Variants in USP10 observed in about 807,000 individuals in gnomAD.
USP10 encodes the protein ubiquitin specific peptidase 10.
A neutral mutation model predicts 84.5 loss-of-function variants in USP10; 22 were observed. The ratio of observed to expected loss-of-function variants is 0.26; its 90% CI spans 0.19 to 0.37. The LOEUF (loss-of-function observed/expected upper bound fraction) is 0.37. Ranked by LOEUF, USP10 falls within the 10% of genes least tolerant of loss-of-function variation. USP10 has a pLI of 1.00. For missense variants in USP10, 1,019 were observed against 998.9 expected (o/e 1.02, Z -0.27); for synonymous variants, 454 against 387.6 (o/e 1.17, Z -2.01).
chr16:84,741,246 G>A (rs1172524733), intron 3 of USP10, among the ~76,000 whole-genome samples: 1 of 152,214 alleles, frequency 6.6e-6, no homozygotes, highest in African/African-American at 2.4e-5. Flanking sequence ...TAAAATTTTA[G>A]ATTTATAAGA....
intron 2 of USP10, among the ~76,000 whole-genome samples, chr16:84,735,649 G>A (rs747777954): frequency 1.3e-5 from 2 of 152,088 alleles, no homozygotes; most frequent in Non-Finnish European, 2.9e-5. Context: ...GGATGAAAAG[G>A]GTACAGATGG....
intron 1 of USP10, among the ~76,000 whole-genome samples, chr16:84,715,326 A>G (rs1006730665): frequency 6.6e-6 from 1 of 152,220 alleles, no homozygotes; most frequent in Admixed American, 6.5e-5. Flanking sequence ...AAGCATCCTT[A>G]CCTTTGTGTA....
intron 2 of USP10, among the ~76,000 whole-genome samples, chr16:84,739,392 C>T (rs1910352500): frequency 6.6e-6 from 1 of 152,166 alleles, no homozygotes; most frequent in Admixed American, 6.5e-5. Context: ...CTGCCTTAGC[C>T]TCCCAAGTAG....
intron 12 of USP10, among the ~76,000 whole-genome samples, chr16:84,774,906 C>T (rs1338851302): frequency 1.3e-5 from 2 of 152,164 alleles, no homozygotes; most frequent in African/African-American, 2.4e-5. Flanking sequence ...AGGGGCCTCC[C>T]ACAGGAGCAT....
chr16:84,715,528 G>A (rs1031212497), intron 1 of USP10, among the ~76,000 whole-genome samples: 1 of 152,320 alleles, frequency 6.6e-6, no homozygotes. Context: ...GAGCCAGTGA[G>A]TCCACCTGGG....
intron 13 of USP10, among the ~76,000 whole-genome samples, chr16:84,776,286 G>A (rs1259821619): frequency 3.3e-5 from 5 of 152,116 alleles, no homozygotes; most frequent in South Asian, 2.1e-4. Flanking sequence ...CCCAGGGATG[G>A]GGGCCCAGGG....
intron 11 of USP10, among the ~76,000 whole-genome samples, chr16:84,768,566 A>C (rs11149681): frequency 6.6e-6 from 1 of 152,026 alleles, no homozygotes; most frequent in Non-Finnish European, 1.5e-5. Context: ...ATCATATTAC[A>C]CAAGGTAATG....
At chr16:84,728,552 A>G (rs1029738896) in intron 1 of USP10, among the ~76,000 whole-genome samples, 5 of 152,058 alleles carry the variant, frequency 3.3e-5, no homozygotes, top group African/African-American at 1.2e-4. Context: ...GATGGTCTCA[A>G]TCTCCTGACC....
At chr16:84,743,549 G>T (rs1910869404) in intron 3 of USP10, among the ~76,000 whole-genome samples, 1 of 151,904 alleles carries the variant, frequency 6.6e-6, no homozygotes, top group South Asian at 2.1e-4. Flanking sequence ...TAAGATAGAT[G>T]CCTTGAAAAA....
intron 13 of USP10, 136 bp downstream of exon 13, chr16:84,775,361 G>C (rs1266515969): frequency 5.0e-6 from 4 of 796,322 alleles, no homozygotes; most frequent in South Asian, 4.5e-5. Flanking sequence ...GTGAGTCGGG[G>C]AGTCACGTGA....
At chr16:84,770,447 A>G (rs1420034829) in intron 11 of USP10, among the ~76,000 whole-genome samples, 1 of 152,178 alleles carries the variant, frequency 6.6e-6, no homozygotes, top group Admixed American at 6.5e-5. Flanking sequence ...TGCTATATAG[A>G]AAATGTCTGC....
rs748444800 is a variant in USP10 at position 84,745,295 on chromosome 16, C to G, written c.814C>G (p.Pro272Ala). The G allele has an allele frequency of 1.2e-5, 20 of 1,613,222 alleles. No homozygotes were observed. Among genetic ancestry groups the G allele is most frequent in the Non-Finnish European group, 1.7e-5 (20 of 1,179,724 alleles). Residue 272 changes from proline to alanine, a missense_variant, in exon 4 of 14, where the codon CCC (proline) becomes GCC (alanine). Physicochemically the swap from Pro to Ala is conservative, Grantham distance 27. Transcript: ENST00000219473. ...DTLSRTAGAQPCVGTDTTENL... is the reference protein window; with the variant it reads ...DTLSRTAGAQACVGTDTTENL... ...CCTGTCAAGGACAGCTGGGGCTCAG[C>G]CCTGCGTTGGTACCGATACTACTGA...
At chr16:84,761,977 A>C (rs1009619421) in intron 8 of USP10, among the ~76,000 whole-genome samples, 2 of 152,230 alleles carry the variant, frequency 1.3e-5, no homozygotes, top group African/African-American at 4.8e-5. Context: ...CTATCTGGAG[A>C]GGGCAAGTAA....
intron 1 of USP10, among the ~76,000 whole-genome samples, chr16:84,732,840 A>C (rs912353644): frequency 1.3e-5 from 2 of 152,224 alleles, no homozygotes; most frequent in Non-Finnish European, 2.9e-5. Context: ...TTCGTTTTCC[A>C]GAAAATCACA....
intron 8 of USP10, among the ~76,000 whole-genome samples, 171 bp from the exon 9 acceptor site, chr16:84,762,818 C>G (rs902446693): frequency 6.6e-6 from 1 of 152,184 alleles, no homozygotes; most frequent in African/African-American, 2.4e-5. Context: ...TCCTCCTACT[C>G]TTGGGATTTC....
chr16:84,745,441 A>C lies in USP10; in HGVS notation c.960A>C (p.Ala320=), dbSNP rs771784330. The C allele has an allele frequency of 1.2e-6, 2 of 1,613,650 alleles. No individual in the cohort carries two copies. Among genetic ancestry groups the C allele is most frequent in the African/African-American group, 2.7e-5 (2 of 74,926 alleles). The change falls in exon 4 of 14, where the codon GCA becomes GCC. Residue 320 remains alanine (A), a synonymous_variant. Coordinates refer to ENST00000219473, the MANE Select transcript of USP10 (RefSeq NM_005153.3). ...IDLDPTKPES[A]SPPADGTGSA... is the part of the protein sequence containing the mutation. ...TGGACCCAACCAAACCCGAGAGTGC[A>C]TCACCTCCTGCTGACGGCACGGGCT...
At chr16:84,762,804 C>A (rs1354478507) in intron 8 of USP10, among the ~76,000 whole-genome samples, 185 bp from the exon 9 acceptor site, 1 of 152,128 alleles carries the variant, frequency 6.6e-6, no homozygotes, top group South Asian at 2.1e-4. Flanking sequence ...TCAGTTTCTC[C>A]TTTTCCTCCT....
intron 1 of USP10, chr16:84,704,629 T>C: frequency 7.5e-7 from 1 of 1,337,340 alleles, no homozygotes; most frequent in Non-Finnish European, 9.9e-7. Flanking sequence ...GGGGTATGTG[T>C]ATAGTATTTG....
At chr16:84,731,523 C>T (rs985031989) in intron 1 of USP10, among the ~76,000 whole-genome samples, 1 of 151,974 alleles carries the variant, frequency 6.6e-6, no homozygotes, top group East Asian at 1.9e-4. Context: ...TTCCTCCCCC[C>T]AAGAAAAAGG....
Sources: gnomAD v4.1 joint callset for allele counts (sites outside exome capture counted in the v4.1 genomes callset) on GRCh38, gnomAD v4.1.1 for gene constraint, MANE v1.5 for transcripts, NCBI Gene and HGNC (gene_info 2026-07-23, HGNC 2026-07-21) for gene names.